The following NXPE1 variants were observed in gnomAD, a reference collection of about 807,000 sequenced individuals.
The protein encoded by NXPE1 is NXPE family member 1.
Under a neutral mutation model 33.3 loss-of-function variants are expected in NXPE1, and 31 were observed. That is an observed-to-expected ratio of 0.93 (90% CI 0.70 to 1.26). The LOEUF is 1.26. Among genes scored for constraint, NXPE1 ranks in the 50% most tolerant of loss-of-function variants. NXPE1 has a pLI of 0.00. For missense variants in NXPE1, 661 were observed against 655.6 expected, an observed-to-expected ratio of 1.01 and a Z score of -0.09; for synonymous variants, 229 against 231.4, an observed-to-expected ratio of 0.99 and a Z score of 0.09.
rs566561867 is a variant in NXPE1 at position 114,534,679 on chromosome 11, G to T, written c.100-3771C>A. On this transcript the variant is annotated intron_variant, in intron 5 of 8. Coordinates refer to ENST00000534921, the Ensembl canonical transcript of NXPE1. ...CCGATGTGATCAACTGGAAGAAAGGGTATCAGTGATGGAAGACGAAATGAA... is the reference window on the plus strand; with the variant it reads ...CCGATGTGATCAACTGGAAGAAAGGTTATCAGTGATGGAAGACGAAATGAA... 2.4e-3 allele frequency among the ~76,000 whole-genome samples: 362 copies of T among 152,290 alleles called. 1 individual carries two copies. The highest frequency in any genetic ancestry group is 3.9e-3 in the Non-Finnish European group (267 of 68,018).
chr11:114,533,243 G>A (rs544788018), intron 5 of NXPE1, among the ~76,000 whole-genome samples: 56 of 152,184 alleles, frequency 3.7e-4, no homozygotes, highest in African/African-American at 1.1e-3. Context: ...GCAAGAAGCC[G>A]AATACAAAAC....
intron 1 of NXPE1, among the ~76,000 whole-genome samples, chr11:114,558,078 T>C (rs189635227): frequency 9.4e-4 from 143 of 152,158 alleles, no homozygotes; most frequent in Admixed American, 9.8e-4. Flanking sequence ...AGATCAAATA[T>C]AACATCCTCT....
chr11:114,547,638 G>T (rs1384339720), intron 5 of NXPE1, among the ~76,000 whole-genome samples: 1 of 152,164 alleles, frequency 6.6e-6, no homozygotes, highest in Non-Finnish European at 1.5e-5. Context: ...GGGAGGCTGA[G>T]GCAGGAGGAT....
intron 5 of NXPE1, among the ~76,000 whole-genome samples, chr11:114,534,426 C>G (rs1293266951): frequency 6.6e-6 from 1 of 152,202 alleles, no homozygotes; most frequent in Admixed American, 6.5e-5. Context: ...CAGAACAAAG[C>G]TGGACGGAGA....
chr11:114,520,125 A>G (rs188987190), downstream of NXPE1, among the ~76,000 whole-genome samples: 60 of 152,264 alleles, frequency 3.9e-4, 1 homozygote, highest in East Asian at 0.011. Context: ...TAATTGAGGT[A>G]GAATACCTAA....
chr11:114,524,597 G>A (rs1337539476), intron 7 of NXPE1, among the ~76,000 whole-genome samples: 1 of 152,070 alleles, frequency 6.6e-6, no homozygotes, highest in Non-Finnish European at 1.5e-5. Flanking sequence ...AGGCTTGATA[G>A]CATTGCACCC....
chr11:114,543,016 AG>A (rs1948154373), intron 5 of NXPE1, among the ~76,000 whole-genome samples: 2 of 152,138 alleles, frequency 1.3e-5, no homozygotes, highest in Admixed American at 1.3e-4. Flanking sequence ...GCACTTTGGG[AG>A]GTTGAGGCAG....
chr11:114,545,910 C>G (rs940938845), intron 5 of NXPE1, among the ~76,000 whole-genome samples: 1 of 151,826 alleles, frequency 6.6e-6, no homozygotes, highest in Non-Finnish European at 1.5e-5. Flanking sequence ...AGGATGGTCT[C>G]GATAGCTTGA....
chr11:114,525,219 C>T (rs1227204955), intron 7 of NXPE1, among the ~76,000 whole-genome samples: 1 of 151,780 alleles, frequency 6.6e-6, no homozygotes, highest in Non-Finnish European at 1.5e-5. Context: ...TCTTTTTTGG[C>T]CTCTCAGCTT....
chr11:114,522,110 A>G, exon 9 of NXPE1: 5 of 1,614,084 alleles, frequency 3.1e-6, no homozygotes, highest in African/African-American at 1.3e-5. Context: ...ATCCTTCATG[A>G]TAAGATAGTG....
intron 5 of NXPE1, among the ~76,000 whole-genome samples, chr11:114,537,227 A>G (rs1410346500): frequency 1.3e-5 from 2 of 152,264 alleles, no homozygotes; most frequent in Admixed American, 1.3e-4. Context: ...ACAAAATTCA[A>G]CAACCCTTCA....
chr11:114,522,198 T>C (rs768072972), exon 9 of NXPE1: 2 of 1,614,112 alleles, frequency 1.2e-6, no homozygotes, highest in Non-Finnish European at 1.7e-6. Flanking sequence ...ATAATCACTT[T>C]AGTGGCTGGG....
chr11:114,538,128 A>G lies in NXPE1; in HGVS notation c.100-7220T>C, dbSNP rs1430455946. On this transcript the variant is annotated intron_variant, in intron 5 of 8. Coordinates refer to ENST00000534921, the Ensembl canonical transcript of NXPE1. ...AGAGCCCTCAGAAATAATGCCACATATCTACAACTATCTGATCTTTGACAA... is the reference window on the plus strand; with the variant it reads ...AGAGCCCTCAGAAATAATGCCACATGTCTACAACTATCTGATCTTTGACAA... Among the ~76,000 whole-genome samples, 3 of 152,116 alleles carry G rather than the reference A, an allele frequency of 2.0e-5. No homozygotes were observed. The East Asian group carries it at 5.8e-4, about 30-fold the overall frequency.
chr11:114,539,644 G>T (rs1428395309), intron 5 of NXPE1, among the ~76,000 whole-genome samples: 1 of 151,998 alleles, frequency 6.6e-6, no homozygotes, highest in Non-Finnish European at 1.5e-5. Flanking sequence ...ATGGGAGATG[G>T]AATCTGATTA....
chr11:114,538,055 A>G (rs1591281827), intron 5 of NXPE1, among the ~76,000 whole-genome samples: 2 of 152,358 alleles, frequency 1.3e-5, no homozygotes, highest in South Asian at 4.1e-4. Context: ...TAACCAAAAC[A>G]GCATGGTACT....
intron 5 of NXPE1, among the ~76,000 whole-genome samples, chr11:114,540,028 G>A (rs1948027172): frequency 6.6e-6 from 1 of 152,146 alleles, no homozygotes; most frequent in South Asian, 2.1e-4. Context: ...CCTCACATCA[G>A]TAAGTATTTC....
At chr11:114,521,009 G>C (rs1302012320), downstream of NXPE1, among the ~76,000 whole-genome samples, 2 of 152,120 alleles carry the variant, frequency 1.3e-5, no homozygotes, top group East Asian at 1.9e-4. Flanking sequence ...TTTTAAAAAA[G>C]TTCATTCACT....
exon 9 of NXPE1, chr11:114,521,854 G>T: frequency 1.2e-6 from 1 of 820,818 alleles, no homozygotes; most frequent in Non-Finnish European, 1.9e-6. Context: ...TCCCCAAACA[G>T]ATTCTTTTAA....
At chr11:114,540,730 G>A (rs2135046425) in intron 5 of NXPE1, among the ~76,000 whole-genome samples, 1 of 150,106 alleles carries the variant, frequency 6.7e-6, no homozygotes, top group East Asian at 2.1e-4. Flanking sequence ...GTGGGAAGAT[G>A]AAACTTGGAA....
Sources: gnomAD v4.1 joint callset for allele counts (sites outside exome capture counted in the v4.1 genomes callset) on GRCh38, gnomAD v4.1.1 for gene constraint, MANE v1.5 for transcripts, NCBI Gene and HGNC (gene_info 2026-07-23, HGNC 2026-07-21) for gene names.